Variants in RALGAPA1 observed in about 807,000 individuals in gnomAD.
RALGAPA1 encodes Ral GTPase activating protein catalytic subunit alpha 1.
A neutral mutation model predicts 269.6 loss-of-function variants in RALGAPA1; 52 were observed. That is an observed-to-expected ratio of 0.19 (90% CI 0.15 to 0.24). RALGAPA1 has a LOEUF of 0.24. RALGAPA1 is among the 10% of genes least tolerant of loss of function. RALGAPA1 has a pLI of 1.00. For synonymous variants in RALGAPA1, 817 were observed against 1,008.3 expected (o/e 0.81, Z 3.60); for missense variants, 1,917 against 3,013.9 (o/e 0.64, Z 8.52).
At chr14:35,794,836 T>C (rs754714590) in intron 1 of RALGAPA1, among the ~76,000 whole-genome samples, 1 of 152,226 alleles carries the variant, frequency 6.6e-6, no homozygotes, top group South Asian at 2.1e-4. Flanking sequence ...TACTGAATAC[T>C]TTGTAAGTAA....
intron 17 of RALGAPA1, among the ~76,000 whole-genome samples, chr14:35,695,331 A>G (rs73250820): frequency 0.018 from 2,770 of 152,272 alleles, 84 homozygotes; most frequent in African/African-American, 0.063. Context: ...TGATGACAGG[A>G]AAAAATTCTT....
chr14:35,567,258 C>T (rs952802800), intron 39 of RALGAPA1, among the ~76,000 whole-genome samples: 13 of 152,084 alleles, frequency 8.5e-5, no homozygotes, highest in African/African-American at 2.6e-4. Flanking sequence ...TGAAGTAGGC[C>T]TGAAAAATCC....
intron 31 of RALGAPA1, among the ~76,000 whole-genome samples, chr14:35,645,679 G>A (rs577119803): frequency 2.0e-5 from 3 of 149,126 alleles, no homozygotes; most frequent in East Asian, 2.0e-4. Context: ...GCAGTGAGCC[G>A]AGATCGCGCC....
intron 15 of RALGAPA1, among the ~76,000 whole-genome samples, chr14:35,722,376 T>A (rs1380250150): frequency 2.6e-5 from 4 of 151,732 alleles, no homozygotes; most frequent in Admixed American, 2.0e-4. Context: ...CTTTGGGAGG[T>A]GGAGGTGGGC....
chr14:35,788,180 C>T lies in RALGAPA1; in HGVS notation c.107-12435G>A, dbSNP rs573174053. ...TAGAAACGGGATTTCATCATGTTGG[C>T]CAGCCTGGTCTCAAACTCCTGACCT... On this transcript the variant is annotated intron_variant, in intron 1 of 41. Transcript: ENST00000680220. 2.6e-5 allele frequency among the ~76,000 whole-genome samples: 4 copies of T among 151,664 alleles called. No homozygotes were observed. The South Asian group carries it at 8.4e-4, about 32-fold the overall frequency.
intron 39 of RALGAPA1, among the ~76,000 whole-genome samples, chr14:35,566,372 G>A (rs1594611389): frequency 6.6e-6 from 1 of 152,034 alleles, no homozygotes; most frequent in African/African-American, 2.4e-5. Flanking sequence ...ATGTTCCTAG[G>A]ATAAAATTTA....
chr14:35,642,609 G>C (rs954553323), intron 31 of RALGAPA1, among the ~76,000 whole-genome samples: 2 of 152,136 alleles, frequency 1.3e-5, no homozygotes, highest in African/African-American at 4.8e-5. Context: ...TCTCACCTCA[G>C]TTAAAACGGG....
Position 35,738,645 on chromosome 14 carries a change from A to G in RALGAPA1, c.1455T>C (p.Asn485=), listed in dbSNP as rs1567126854. 6 of 1,602,530 alleles carry G rather than the reference A, an allele frequency of 3.7e-6. No individual in the cohort carries two copies. Among genetic ancestry groups the G allele is most frequent in the Non-Finnish European group, 5.1e-6 (6 of 1,176,800 alleles). Residue 485 remains asparagine (N), a synonymous_variant, in exon 12 of 42, where the codon AAT becomes AAC. Coordinates refer to ENST00000680220, the MANE Select transcript of RALGAPA1 (RefSeq NM_001346249.2). ...MEEGEKREEE[N]GTNTADHVRN... is the part of the protein sequence containing the mutation. The stretch of plus-strand genomic sequence containing the variant: ...GAACATGATCAGCAGTATTGGTCCC[A>G]TTTTCCTGAAGCAAAATATCAAGTT...
intron 35 of RALGAPA1, among the ~76,000 whole-genome samples, chr14:35,612,745 A>G (rs535040038): frequency 1.3e-5 from 2 of 152,088 alleles, no homozygotes; most frequent in South Asian, 4.2e-4. Flanking sequence ...TCACCATGTT[A>G]GCCAGGATGG....
chr14:35,748,162 C>T (rs920912671), intron 10 of RALGAPA1, among the ~76,000 whole-genome samples: 8 of 151,508 alleles, frequency 5.3e-5, no homozygotes, highest in South Asian at 2.1e-4. Context: ...ATAATTATTA[C>T]GCTAAAAGTA....
rs753922220 is a variant in RALGAPA1, at chr14:35,721,875, A to G, written c.2105-26T>C. On this transcript the variant is annotated intron_variant, in intron 15 of 41. Coordinates refer to ENST00000680220, the MANE Select transcript of RALGAPA1 (RefSeq NM_001346249.2). Reference sequence around the variant, plus strand: ...CTGGAAATGTAGATTTTCAATCTCAATATACTGTTACTTGATCAATAATAT... The same window carrying G: ...CTGGAAATGTAGATTTTCAATCTCAGTATACTGTTACTTGATCAATAATAT... 9.4e-6 allele frequency: 15 copies of G among 1,593,436 alleles called. No individual in the cohort carries two copies. In the African/African-American group the frequency reaches 1.3e-4, roughly 14 times the overall value.
At chr14:35,698,407 T>C (rs80088196) in intron 17 of RALGAPA1, among the ~76,000 whole-genome samples, 182 of 152,262 alleles carry the variant, frequency 1.2e-3, no homozygotes, top group African/African-American at 3.9e-3. Context: ...TATTTGCCAA[T>C]ATATTAAGTT....
chr14:35,622,652 A>C (rs2060710114), intron 35 of RALGAPA1, among the ~76,000 whole-genome samples: 1 of 152,262 alleles, frequency 6.6e-6, no homozygotes. Context: ...GCATCAAATC[A>C]ATGGCAAAGG....
chr14:35,639,251 A>G (rs2061854919), intron 31 of RALGAPA1, among the ~76,000 whole-genome samples: 1 of 152,218 alleles, frequency 6.6e-6, no homozygotes, highest in African/African-American at 2.4e-5. Context: ...ATATATATGC[A>G]CTCAACACTG....
chr14:35,792,565 T>C (rs2076250680), intron 1 of RALGAPA1, among the ~76,000 whole-genome samples: 1 of 151,718 alleles, frequency 6.6e-6, no homozygotes, highest in Non-Finnish European at 1.5e-5. Flanking sequence ...GGTGGACTGT[T>C]TGAGGCCCAG....
chr14:35,606,440 A>T (rs1326112005), intron 35 of RALGAPA1, among the ~76,000 whole-genome samples: 1 of 152,160 alleles, frequency 6.6e-6, no homozygotes, highest in Non-Finnish European at 1.5e-5. Context: ...GTGCAGCAAA[A>T]ATAAGGTATT....
rs10145588 is a variant in RALGAPA1 at position 35,763,795 on chromosome 14, G to T, written c.326-1042C>A. On this transcript the variant is annotated intron_variant, in intron 4 of 41. Transcript: ENST00000680220. ...GGGTGTGTATATATATATATATATAGAGAGAGAGAGAGAGAGGAATAAAAT... is the reference window on the plus strand; with the variant it reads ...GGGTGTGTATATATATATATATATATAGAGAGAGAGAGAGAGGAATAAAAT... 7.4e-3 allele frequency among the ~76,000 whole-genome samples: 1,099 copies of T among 148,628 alleles called. 5 individuals are homozygous for T. The highest frequency in any genetic ancestry group is 0.011 in the Non-Finnish European group (715 of 67,594).
chr14:35,669,243 C>T (rs557167637), intron 26 of RALGAPA1, among the ~76,000 whole-genome samples: 74 of 151,994 alleles, frequency 4.9e-4, no homozygotes, highest in African/African-American at 1.5e-3. Context: ...TAATCCTATA[C>T]GGCAGGTTAT....
intron 1 of RALGAPA1, among the ~76,000 whole-genome samples, chr14:35,794,282 C>T (rs2076399234): frequency 6.6e-6 from 1 of 151,944 alleles, no homozygotes; most frequent in Non-Finnish European, 1.5e-5. Flanking sequence ...TAAGACCAGT[C>T]AGGGCAACAT....
Sources: allele counts gnomAD v4.1 joint callset (sites outside exome capture counted in the v4.1 genomes callset), GRCh38; gene constraint gnomAD v4.1.1; transcripts MANE v1.5; gene names NCBI Gene and HGNC (gene_info 2026-07-23, HGNC 2026-07-21).